Variants in XKR5 observed in about 807,000 individuals in gnomAD.
The protein encoded by XKR5 is XK related 5, also known as XK-related protein 5.
In XKR5, 46 loss-of-function variants were observed where a neutral mutation model predicts 40.8. That is an observed-to-expected ratio of 1.13 (90% CI 0.89 to 1.44). The LOEUF (loss-of-function observed/expected upper bound fraction) is 1.44. Among genes scored for constraint, XKR5 ranks in the 40% most tolerant of loss-of-function variants. The pLI, the probability that XKR5 is intolerant of heterozygous loss-of-function variation, is 0.00. For synonymous variants in XKR5, 466 were observed against 356.1 expected (o/e 1.31, Z -3.48); for missense variants, 1,169 against 844.7 (o/e 1.38, Z -4.76).
At chr8:6,816,446 G>A (rs1364031487) in intron 5 of XKR5, among the ~76,000 whole-genome samples, 2 of 152,158 alleles carry the variant, frequency 1.3e-5, no homozygotes, top group East Asian at 1.9e-4. Context: ...GGCTGACAAA[G>A]GAGCCTGGCC....
rs374977812 is a variant in XKR5 at position 6,832,865 on chromosome 8, G to A, written c.94C>T (p.Arg32Trp). The A allele has an allele frequency of 2.2e-5, 36 of 1,607,612 alleles. No individual in the cohort carries two copies. The highest frequency in any genetic ancestry group is 9.4e-5 in the African/African-American group (7 of 74,538). ...AGGGCCAGCCACCCCCACAGAAGCC[G>A]TCCTGTGGTGAAGTAGTAAGCCACG... ...YTVAYYFTTG[R>W]LLWGWLALAV... Residue 32 changes from arginine (R) to tryptophan (W), a missense_variant, in exon 2 of 7, where the codon CGG (arginine) becomes TGG (tryptophan). Arg to Trp is a moderately radical substitution (Grantham distance 101, BLOSUM62 -3). Coordinates refer to ENST00000618742, the MANE Select transcript of XKR5 (RefSeq NM_207411.5).
chr8:6,809,787 C>G lies in XKR5; in HGVS notation c.*1411G>C, dbSNP rs1332916701. The G allele has an allele frequency of 6.6e-6, 1 of 152,136 alleles. No homozygotes were observed. The highest frequency in any genetic ancestry group is 2.1e-4 in the South Asian group (1 of 4,826). The allele number at this position is 152,136 out of a possible 1,614,324, so 9.4% of individuals were successfully genotyped here. A position where few individuals can be genotyped will look rare whatever the true frequency, so the allele number is the denominator to read the frequency against. ...CTTTTTAGAGCTCTAATATTGTACC[C>G]TAATCCAAAAGTGTTTGGAGAGAAT... is the stretch of plus-strand genomic sequence containing the variant. On this transcript the variant is annotated 3_prime_UTR_variant, in exon 7 of 7. Coordinates refer to ENST00000618742, the MANE Select transcript of XKR5 (RefSeq NM_207411.5).
chr8:6,824,140 T>A (rs1804360072), intron 3 of XKR5, among the ~76,000 whole-genome samples: 1 of 152,192 alleles, frequency 6.6e-6, no homozygotes. Context: ...TTTATCCATA[T>A]GAAGGAGGTT....
chr8:6,826,149 A>G (rs1206812074), intron 2 of XKR5, among the ~76,000 whole-genome samples: 1 of 152,066 alleles, frequency 6.6e-6, no homozygotes, highest in East Asian at 1.9e-4. Context: ...GTGTGTGTGT[A>G]TGTATCTGCA....
chr8:6,834,901 G>T (rs1299684956), intron 1 of XKR5, among the ~76,000 whole-genome samples: 2 of 152,140 alleles, frequency 1.3e-5, no homozygotes, highest in Non-Finnish European at 2.9e-5. Flanking sequence ...AAGCGGAGTC[G>T]CCGTCCTACA....
chr8:6,825,407 A>C, intron 2 of XKR5, 58 bp from the exon 3 acceptor site: 10 of 1,444,846 alleles, frequency 6.9e-6, no homozygotes, highest in Non-Finnish European at 9.1e-6. Flanking sequence ...ATTCAATAGG[A>C]CGAGCTTTCA....
Position 6,825,219 on chromosome 8 carries a change from G to A in XKR5, c.373C>T (p.Leu125=), listed in dbSNP as rs547707477. ...LEALLQTGPH[L]LLQTYVFLAS... ...AGAAAAACATATGTCTGAAGCAGCA[G>A]GTGGGGCCCAGTCTGCAGCAGGGCC... The change falls in exon 3 of 7, where the codon CTG becomes TTG. Residue 125 remains leucine, a synonymous_variant. Transcript: ENST00000618742. 1.2e-6 allele frequency: 2 copies of A among 1,613,246 alleles called. No homozygotes were observed. Among genetic ancestry groups the A allele is most frequent in the South Asian group, 1.1e-5 (1 of 90,920 alleles).
intron 4 of XKR5, among the ~76,000 whole-genome samples, chr8:6,822,755 A>G (rs1804297589): frequency 6.6e-6 from 1 of 152,188 alleles, no homozygotes; most frequent in Admixed American, 6.5e-5. Context: ...GAATCTCCAG[A>G]GCCAGATAGA....
intron 5 of XKR5, 104 bp downstream of exon 5, chr8:6,821,765 G>C: frequency 1.1e-6 from 1 of 925,984 alleles, no homozygotes; most frequent in South Asian, 2.2e-5. Flanking sequence ...TCAATAGATA[G>C]GTGTGCATTG....
chr8:6,832,823 C>G lies in XKR5; in HGVS notation c.136G>C (p.Gly46Arg). 6.2e-7 allele frequency: 1 copy of G among 1,612,236 alleles called. No homozygotes were observed. Residue 46 changes from glycine (G) to arginine (R), a missense_variant, in exon 2 of 7, where the codon GGG becomes CGG. Coordinates refer to ENST00000618742, the MANE Select transcript of XKR5 (RefSeq NM_207411.5). ...TAGCTCAGGGCCTGGACCAAGAACC[C>G]GGGCAGGAGGACAGCAAGGGCCAGC... ...GWLALAVLLPGFLVQALSYLW... is the reference protein window; with the variant it reads ...GWLALAVLLPRFLVQALSYLW...
intron 5 of XKR5, among the ~76,000 whole-genome samples, chr8:6,818,020 C>G (rs141932116): frequency 2.0e-5 from 3 of 152,238 alleles, no homozygotes; most frequent in Non-Finnish European, 4.4e-5. Flanking sequence ...CCTCCTTCCT[C>G]CCTTTTTCTC....
At position 6,832,837 on chromosome 8, in the gene XKR5, G is replaced by C; in HGVS notation, c.122C>G (p.Ala41Gly). 1 of 1,611,624 alleles carries C rather than the reference G, an allele frequency of 6.2e-7. No homozygotes were observed. Among genetic ancestry groups the C allele is most frequent in the African/African-American group, 1.3e-5 (1 of 74,938 alleles). ...GACCAAGAACCCGGGCAGGAGGACA[G>C]CAAGGGCCAGCCACCCCCACAGAAG... ...GRLLWGWLAL[A>G]VLLPGFLVQA... Residue 41 changes from alanine to glycine, a missense_variant, in exon 2 of 7, where the codon GCT becomes GGT. By Grantham distance (60) the Ala-to-Gly change is moderately conservative. Coordinates refer to ENST00000618742, the MANE Select transcript of XKR5 (RefSeq NM_207411.5).
intron 5 of XKR5, among the ~76,000 whole-genome samples, chr8:6,816,535 G>T (rs990426104): frequency 7.9e-5 from 12 of 151,742 alleles, no homozygotes; most frequent in African/African-American, 1.9e-4. Flanking sequence ...TATTAACTTT[G>T]CTTTCCAATT....
intron 2 of XKR5, among the ~76,000 whole-genome samples, chr8:6,828,068 G>A (rs751928040): frequency 1.1e-4 from 16 of 151,836 alleles, no homozygotes; most frequent in Non-Finnish European, 1.5e-4. Context: ...GAAGACTCTC[G>A]TGAAAAAAAA....
chr8:6,831,737 C>T (rs1014314766), intron 2 of XKR5, among the ~76,000 whole-genome samples: 2 of 152,110 alleles, frequency 1.3e-5, no homozygotes, highest in Admixed American at 6.5e-5. Context: ...ATCCTGTGGC[C>T]AGGTGCAGTG....
chr8:6,832,619 T>A, intron 2 of XKR5, 98 bp downstream of exon 2: 1 of 1,505,296 alleles, frequency 6.6e-7, no homozygotes, highest in Non-Finnish European at 9.1e-7. Context: ...AATGCTGAAC[T>A]TTTATGAGCT....
intron 2 of XKR5, among the ~76,000 whole-genome samples, chr8:6,828,391 C>A (rs547618014): frequency 6.6e-6 from 1 of 152,252 alleles, no homozygotes; most frequent in African/African-American, 2.4e-5. Flanking sequence ...ATATCTGGTG[C>A]TTGGTAAGGC....
At position 6,811,172 on chromosome 8, in the gene XKR5, G is replaced by T; in HGVS notation, c.*26C>A. On this transcript the variant is annotated 3_prime_UTR_variant, in exon 7 of 7. Coordinates refer to ENST00000618742, the MANE Select transcript of XKR5 (RefSeq NM_207411.5). ...AATGGCCAGCTTGGTTTGTCAGCCT[G>T]TTGTCTTATCCCACCATGACTGTGG... 1 of 1,511,762 alleles carries T rather than the reference G, an allele frequency of 6.6e-7. No homozygotes were observed. The highest frequency in any genetic ancestry group is 1.2e-5 in the South Asian group (1 of 81,042). 93.6% of individuals were successfully genotyped at this position (1,511,762 alleles called of 1,614,324 possible).
Position 6,815,787 on chromosome 8 carries a change from A to G in XKR5, c.919+20T>C. On this transcript the variant is annotated intron_variant, in intron 6 of 6. Transcript: ENST00000618742. The stretch of plus-strand genomic sequence containing the variant: ...ACGTTGGGGAGGGGATGCAGAGAAG[A>G]AGGTGACATTGGGACTTACCAATCA... 2 of 1,532,524 alleles carry G rather than the reference A, an allele frequency of 1.3e-6. No individual in the cohort carries two copies. The highest frequency in any genetic ancestry group is 1.8e-5 in the Admixed American group (1 of 54,278). 94.9% of individuals were successfully genotyped at this position (1,532,524 alleles called of 1,614,324 possible). A position where few individuals can be genotyped will look rare whatever the true frequency, so the allele number is the denominator to read the frequency against.
Sources: allele counts gnomAD v4.1 joint callset (sites outside exome capture counted in the v4.1 genomes callset), GRCh38; gene constraint gnomAD v4.1.1; transcripts MANE v1.5; gene names NCBI Gene and HGNC (gene_info 2026-07-23, HGNC 2026-07-21).